GIGYF2: variants seen among roughly 807,000 people sequenced by gnomAD.
The protein encoded by GIGYF2 is GRB10-interacting GYF protein 2.
In GIGYF2, 25 loss-of-function variants were observed where a neutral mutation model predicts 208.1. The observed-to-expected ratio is 0.12, with a 90% confidence interval of 0.09 to 0.17. The LOEUF (loss-of-function observed/expected upper bound fraction) is 0.17. Ranked by LOEUF, GIGYF2 falls within the 10% of genes least tolerant of loss-of-function variation. GIGYF2 has a pLI of 1.00. For missense variants in GIGYF2, 1,302 were observed against 1,579.4 expected (o/e 0.82, Z 2.98); for synonymous variants, 534 against 543.8 (o/e 0.98, Z 0.25).
At chr2:232,765,235 A>G (rs1391153264) in intron 8 of GIGYF2, 2 of 152,186 alleles carry the variant, frequency 1.3e-5, no homozygotes, top group Non-Finnish European at 2.9e-5. Context: ...AACATTGTTC[A>G]TAATTATATC....
chr2:232,776,370 G>A (rs1422898842), intron 8 of GIGYF2: 4 of 1,069,426 alleles, frequency 3.7e-6, no homozygotes, highest in Non-Finnish European at 5.7e-6. Context: ...ATCTAGCTCT[G>A]TTGCTATTTG....
intron 28 of GIGYF2, among the ~76,000 whole-genome samples, chr2:232,856,062 C>G (rs1408010487): frequency 6.6e-6 from 1 of 152,040 alleles, no homozygotes; most frequent in African/African-American, 2.4e-5. Flanking sequence ...TCCCGAGTAG[C>G]TGGGACTACA....
chr2:232,727,812 T>C (rs1697274614), intron 2 of GIGYF2, among the ~76,000 whole-genome samples: 3 of 152,218 alleles, frequency 2.0e-5, no homozygotes. Context: ...CTTTCTATTC[T>C]GACTACTCTT....
intron 2 of GIGYF2, among the ~76,000 whole-genome samples, chr2:232,711,365 T>G (rs1696393633): frequency 6.6e-6 from 1 of 151,564 alleles, no homozygotes; most frequent in South Asian, 2.1e-4. Context: ...CTTTTTGATC[T>G]TAGGATCTCT....
intron 21 of GIGYF2, among the ~76,000 whole-genome samples, chr2:232,823,218 A>G (rs76715228): frequency 0.013 from 1,984 of 152,182 alleles, 34 homozygotes; most frequent in African/African-American, 0.045. Context: ...TTACCACCCT[A>G]CTTGATACAT....
chr2:232,790,836 G>C lies in GIGYF2; in HGVS notation c.851G>C (p.Ser284Thr), dbSNP rs371141455. 275 of 1,614,034 alleles carry C rather than the reference G, an allele frequency of 1.7e-4. No homozygotes were observed. The highest frequency in any genetic ancestry group is 2.3e-4 in the Non-Finnish European group (266 of 1,180,010). ...GGGAGCATAGATGATGACAGGGATAGCTTGCCCGAATGGTGCTTAGAGGAT... is the reference window on the plus strand; with the variant it reads ...GGGAGCATAGATGATGACAGGGATACCTTGCCCGAATGGTGCTTAGAGGAT... ...GSGSIDDDRD[S>T]LPEWCLEDAE... The change falls in exon 10 of 29, where the codon AGC becomes ACC. Residue 284 changes from serine to threonine, a missense_variant. Coordinates refer to ENST00000373563, the MANE Select transcript of GIGYF2 (RefSeq NM_001103146.3).
intron 11 of GIGYF2, 23 bp from the exon 12 acceptor site, chr2:232,791,235 A>G (rs1293319484): frequency 1.1e-5 from 17 of 1,614,016 alleles, no homozygotes; most frequent in South Asian, 2.2e-5. Context: ...CGTAAGTTCA[A>G]CTAAGATTAC....
intron 12 of GIGYF2, among the ~76,000 whole-genome samples, chr2:232,791,902 C>A (rs1280128115): frequency 6.6e-6 from 1 of 152,202 alleles, no homozygotes; most frequent in South Asian, 2.1e-4. Flanking sequence ...TAAAACATAT[C>A]TCTTTCAGTT....
chr2:232,736,581 A>G (rs1418514115), intron 3 of GIGYF2: 3 of 152,172 alleles, frequency 2.0e-5, no homozygotes, highest in African/African-American at 4.8e-5. Context: ...CATTTATTCA[A>G]CTAGTCTTCT....
intron 15 of GIGYF2, among the ~76,000 whole-genome samples, chr2:232,807,559 T>G (rs1035349055): frequency 1.3e-5 from 2 of 152,076 alleles, no homozygotes; most frequent in Non-Finnish European, 2.9e-5. Flanking sequence ...ATGCTAGTAG[T>G]GATCTTTCTA....
At chr2:232,744,732 G>A (rs897452310) in intron 3 of GIGYF2, among the ~76,000 whole-genome samples, 3 of 151,958 alleles carry the variant, frequency 2.0e-5, no homozygotes, top group Non-Finnish European at 2.9e-5. Flanking sequence ...GGGTTTCATC[G>A]TGTTGCCCAG....
chr2:232,837,560 TCCTC>T (rs1229388099), intron 22 of GIGYF2, among the ~76,000 whole-genome samples: 1 of 152,096 alleles, frequency 6.6e-6, no homozygotes. Context: ...GTTCAAGCGA[TCCTC>T]CTGGCCTCAG....
At chr2:232,780,981 G>A (rs283485) in intron 8 of GIGYF2, among the ~76,000 whole-genome samples, 47,227 of 151,518 alleles carry the variant, frequency 0.31, 7,704 homozygotes, top group South Asian at 0.62. Context: ...TTTTGGAGAC[G>A]GAGTCTTGCT....
At position 232,811,319 on chromosome 2, in the gene GIGYF2, T is replaced by A; in HGVS notation, c.1974T>A (p.Leu658=). ...LSSQQQQQLA[L]LLQQFQTLKM... Reference sequence around the variant, plus strand: ...CCCAGCAGCAGCAGCAGTTGGCACTTCTTCTTCAACAGTTTCAGACCTTGA... The same window carrying A: ...CCCAGCAGCAGCAGCAGTTGGCACTACTTCTTCAACAGTTTCAGACCTTGA... The change falls in exon 17 of 29, where the codon CTT becomes CTA. Residue 658 remains leucine (L), a synonymous_variant. Transcript: ENST00000373563. The A allele has an allele frequency of 1.2e-6, 2 of 1,610,106 alleles. No individual in the cohort carries two copies. The highest frequency in any genetic ancestry group is 4.5e-5 in the East Asian group (2 of 44,848).
chr2:232,718,370 A>T (rs1364902104), intron 2 of GIGYF2, among the ~76,000 whole-genome samples: 1 of 152,166 alleles, frequency 6.6e-6, no homozygotes. Flanking sequence ...CAGTGCTGGG[A>T]TTATAGGCAT....
At chr2:232,747,496 A>G in intron 3 of GIGYF2, 119 bp from the exon 4 acceptor site, 1 of 1,052,068 alleles carries the variant, frequency 9.5e-7, no homozygotes, top group Admixed American at 1.8e-5. Flanking sequence ...ATACTTTGAG[A>G]TAGTAGGATT....
rs1559160720 is a variant in GIGYF2, at chr2:232,836,328, AT to A, written c.2766+3236del. Among the ~76,000 whole-genome samples, 138 of 29,196 alleles carry A rather than the reference AT, an allele frequency of 4.7e-3. 33 individuals carry two copies. Among genetic ancestry groups the A allele is most frequent in the African/African-American group, 0.014 (125 of 9,130 alleles). 19.2% of individuals were successfully genotyped at this position (29,196 alleles called of 152,430 possible). On this transcript the variant is annotated intron_variant, in intron 22 of 28. Transcript: ENST00000373563. ...TATATATATATATATATATATATATATACATATATATACTTATATATTTATA... is the reference window on the plus strand; with the variant it reads ...TATATATATATATATATATATATATAACATATATATACTTATATATTTATA...
intron 7 of GIGYF2, among the ~76,000 whole-genome samples, chr2:232,760,868 G>A (rs571801902): frequency 2.1e-4 from 31 of 150,976 alleles, no homozygotes; most frequent in Non-Finnish European, 4.0e-4. Context: ...ATTGTTTGTT[G>A]GTATTAGTAA....
chr2:232,791,494 C>T (rs781073368), intron 12 of GIGYF2, 48 bp downstream of exon 12: 21 of 1,495,346 alleles, frequency 1.4e-5, no homozygotes, highest in Non-Finnish European at 1.9e-5. Flanking sequence ...TCTGCTGAGG[C>T]CAGTGATCAC....
Sources: gnomAD v4.1 joint callset for allele counts (sites outside exome capture counted in the v4.1 genomes callset) on GRCh38, gnomAD v4.1.1 for gene constraint, MANE v1.5 for transcripts, NCBI Gene and HGNC (gene_info 2026-07-23, HGNC 2026-07-21) for gene names.